Variants in SHQ1 observed in about 807,000 individuals in gnomAD.
SHQ1 encodes the protein protein SHQ1 homolog.
A neutral mutation model predicts 53.8 loss-of-function variants in SHQ1; 49 were observed. That is an observed-to-expected ratio of 0.91 (90% CI 0.72 to 1.16). SHQ1 has a LOEUF of 1.16. SHQ1 is among the 50% of genes most tolerant of loss of function. The pLI is 0.00. For synonymous variants in SHQ1, 243 were observed against 251.0 expected, an observed-to-expected ratio of 0.97 and a Z score of 0.30; for missense variants, 738 against 683.1, an observed-to-expected ratio of 1.08 and a Z score of -0.90.
intron 10 of SHQ1, among the ~76,000 whole-genome samples, chr3:72,779,835 G>A (rs937521118): frequency 7.9e-5 from 12 of 152,214 alleles, no homozygotes; most frequent in Non-Finnish European, 5.9e-5. Flanking sequence ...ACAGAAACAA[G>A]TAACACTGAC....
At chr3:72,754,608 C>T (rs1363032314) in intron 10 of SHQ1, among the ~76,000 whole-genome samples, 1 of 151,916 alleles carries the variant, frequency 6.6e-6, no homozygotes, top group Non-Finnish European at 1.5e-5. Flanking sequence ...CTTGAACTCC[C>T]GACCTCAGGT....
chr3:72,801,345 T>A (rs1172652646), intron 9 of SHQ1, among the ~76,000 whole-genome samples: 1 of 152,206 alleles, frequency 6.6e-6, no homozygotes, highest in African/African-American at 2.4e-5. Flanking sequence ...TTCAATGCCC[T>A]TTGTGGTTTT....
At chr3:72,795,666 A>C (rs967294299) in intron 9 of SHQ1, 5 of 152,204 alleles carry the variant, frequency 3.3e-5, no homozygotes, top group Non-Finnish European at 5.9e-5. Context: ...AGAACTACTA[A>C]AAGTTTTAAA....
chr3:72,781,335 C>T (rs1414816649), intron 10 of SHQ1, among the ~76,000 whole-genome samples: 1 of 151,994 alleles, frequency 6.6e-6, no homozygotes, highest in Admixed American at 6.6e-5. Context: ...GGATTATGGG[C>T]GTGAGACACC....
At chr3:72,777,423 G>C (rs1234137785) in intron 10 of SHQ1, among the ~76,000 whole-genome samples, 1 of 152,136 alleles carries the variant, frequency 6.6e-6, no homozygotes, top group Non-Finnish European at 1.5e-5. Flanking sequence ...AACACCAATG[G>C]CTCATAAACA....
chr3:72,757,530 C>T (rs766142587), intron 10 of SHQ1, among the ~76,000 whole-genome samples: 41 of 152,198 alleles, frequency 2.7e-4, no homozygotes, highest in South Asian at 6.2e-4. Context: ...GGTGGAACTA[C>T]GGGTACGTGC....
At chr3:72,833,683 T>C (rs985738858) in intron 4 of SHQ1, among the ~76,000 whole-genome samples, 16 of 152,202 alleles carry the variant, frequency 1.1e-4, no homozygotes, top group Admixed American at 7.2e-4. Flanking sequence ...GATGCATACA[T>C]ACTGATATGG....
chr3:72,771,551 A>C (rs1705851913), intron 10 of SHQ1, among the ~76,000 whole-genome samples: 1 of 152,240 alleles, frequency 6.6e-6, no homozygotes, highest in South Asian at 2.1e-4. Flanking sequence ...AATATTCACA[A>C]AAACCAAAAG....
intron 9 of SHQ1, among the ~76,000 whole-genome samples, chr3:72,797,994 C>A (rs1706678488): frequency 1.3e-5 from 2 of 152,220 alleles, no homozygotes; most frequent in African/African-American, 4.8e-5. Context: ...CTCTTCCAGG[C>A]TGTCACATGG....
chr3:72,767,874 G>C (rs1705764859), intron 10 of SHQ1, among the ~76,000 whole-genome samples: 1 of 152,174 alleles, frequency 6.6e-6, no homozygotes, highest in Non-Finnish European at 1.5e-5. Flanking sequence ...ACAAGAACTG[G>C]ATGCAAAAGC....
intron 4 of SHQ1, among the ~76,000 whole-genome samples, chr3:72,836,821 C>T (rs896316427): frequency 6.6e-6 from 1 of 152,126 alleles, no homozygotes; most frequent in African/African-American, 2.4e-5. Context: ...ATTGCTATGG[C>T]CACTAGTTAT....
At chr3:72,769,669 T>C (rs913618062) in intron 10 of SHQ1, among the ~76,000 whole-genome samples, 7 of 152,222 alleles carry the variant, frequency 4.6e-5, no homozygotes, top group African/African-American at 1.7e-4. Context: ...TGAATCACTA[T>C]GTCTCTTGCA....
the SHQ1 span, among the ~76,000 whole-genome samples, chr3:72,729,411 C>G: frequency 6.6e-5 from 10 of 152,306 alleles, no homozygotes; most frequent in Admixed American, 1.3e-4. Flanking sequence ...CCTCCAGCCT[C>G]CTGATCGACC....
rs78625674 is a variant in SHQ1, at chr3:72,768,697, G to A, written c.1182-17861C>T. 5.1e-3 allele frequency among the ~76,000 whole-genome samples: 781 copies of A among 152,300 alleles called. 10 individuals carry two copies. Among genetic ancestry groups the A allele is most frequent in the African/African-American group, 0.018 (751 of 41,562 alleles). Reference sequence around the variant, plus strand: ...AGGAGTTGGAAACAGAGCACTGCATGGCCAGCAGTTTTTTCCTCGACACAA... The same window carrying A: ...AGGAGTTGGAAACAGAGCACTGCATAGCCAGCAGTTTTTTCCTCGACACAA... On this transcript the variant is annotated intron_variant, in intron 10 of 10. Transcript: ENST00000325599.
chr3:72,780,958 T>C (rs1057150553), intron 10 of SHQ1, among the ~76,000 whole-genome samples: 6 of 151,944 alleles, frequency 3.9e-5, no homozygotes, highest in African/African-American at 1.5e-4. Flanking sequence ...TGCCCACCAC[T>C]ACACCCGGCT....
intron 8 of SHQ1, 89 bp from the exon 9 acceptor site, chr3:72,812,883 A>C (rs1707171133): frequency 6.7e-7 from 1 of 1,496,082 alleles, no homozygotes; most frequent in African/African-American, 1.4e-5. Context: ...TTTCTCATTT[A>C]AAAGCTGCAA....
chr3:72,726,762 A>T, the SHQ1 span, among the ~76,000 whole-genome samples: 2 of 152,196 alleles, frequency 1.3e-5, no homozygotes. Flanking sequence ...ACACCTCGGG[A>T]TGATTGAGGG....
intron 9 of SHQ1, among the ~76,000 whole-genome samples, chr3:72,804,017 A>G (rs572797027): frequency 1.3e-5 from 2 of 152,306 alleles, no homozygotes; most frequent in East Asian, 3.9e-4. Context: ...CCTGGGCTCA[A>G]GCAATCCTCC....
the SHQ1 span, among the ~76,000 whole-genome samples, chr3:72,739,114 G>C: frequency 1.3e-5 from 2 of 152,258 alleles, no homozygotes; most frequent in African/African-American, 4.8e-5. Context: ...CCATCCGGGA[G>C]CTGCCCGCCT....
Sources: gnomAD v4.1 joint callset for allele counts (sites outside exome capture counted in the v4.1 genomes callset) on GRCh38, gnomAD v4.1.1 for gene constraint, MANE v1.5 for transcripts, NCBI Gene and HGNC (gene_info 2026-07-23, HGNC 2026-07-21) for gene names.